OCA2: variants seen among roughly 807,000 people sequenced by gnomAD.
OCA2 encodes the protein OCA2 melanosomal transmembrane protein, also known as P protein.
A neutral mutation model predicts 100.2 loss-of-function variants in OCA2; 77 were observed. The observed-to-expected ratio is 0.77, with a 90% confidence interval of 0.64 to 0.93. The LOEUF (loss-of-function observed/expected upper bound fraction) is 0.93. Ranked by LOEUF, OCA2 falls within the 40% of genes least tolerant of loss-of-function variation. The pLI, the probability that OCA2 is intolerant of heterozygous loss-of-function variation, is 0.00. For synonymous variants in OCA2, 432 were observed against 439.2 expected (o/e 0.98, Z 0.21); for missense variants, 1,062 against 1,089.1 (o/e 0.98, Z 0.35).
At chr15:27,997,535 A>G (rs960427548) in intron 9 of OCA2, among the ~76,000 whole-genome samples, 2 of 151,814 alleles carry the variant, frequency 1.3e-5, no homozygotes, top group Admixed American at 1.3e-4. Context: ...CCATTGATCT[A>G]TATCTCTGTT....
At chr15:27,933,065 A>T (rs931457166) in intron 18 of OCA2, among the ~76,000 whole-genome samples, 1 of 152,228 alleles carries the variant, frequency 6.6e-6, no homozygotes, top group African/African-American at 2.4e-5. Context: ...TGAGAATGCC[A>T]AGACTACTCA....
chr15:27,744,230 G>A, the OCA2 span, among the ~76,000 whole-genome samples: 1 of 152,212 alleles, frequency 6.6e-6, no homozygotes, highest in Non-Finnish European at 1.5e-5. Context: ...ACCTGGTGGG[G>A]CCAGCGGAGG....
chr15:27,742,337 A>G, the OCA2 span, among the ~76,000 whole-genome samples: 15 of 152,168 alleles, frequency 9.9e-5, no homozygotes, highest in Admixed American at 7.2e-4. Context: ...CAGCTGTGGA[A>G]CCTTGGAGCA....
chr15:27,933,072 C>T (rs1462664517), intron 18 of OCA2, among the ~76,000 whole-genome samples: 2 of 152,094 alleles, frequency 1.3e-5, no homozygotes, highest in East Asian at 1.9e-4. Flanking sequence ...GCCAAGACTA[C>T]TCAATCGCAG....
At chr15:28,028,080 G>A (rs2042810374) in intron 3 of OCA2, 21 bp from the exon 4 acceptor site, 4 of 1,613,270 alleles carry the variant, frequency 2.5e-6, no homozygotes, top group Non-Finnish European at 3.4e-6. Flanking sequence ...AGAGAGGTGT[G>A]GTTATCTCTC....
At chr15:28,053,710 C>A (rs1051686050) in intron 2 of OCA2, among the ~76,000 whole-genome samples, 1 of 152,198 alleles carries the variant, frequency 6.6e-6, no homozygotes, top group Non-Finnish European at 1.5e-5. Context: ...AGAGGGCCTC[C>A]CAGCACAAGA....
chr15:28,031,141 T>TATAC (rs1259733834), intron 3 of OCA2, among the ~76,000 whole-genome samples: 1 of 152,116 alleles, frequency 6.6e-6, no homozygotes, highest in Non-Finnish European at 1.5e-5. Context: ...AAACCAGCCA[T>TATAC]GTATGGAAAA....
chr15:28,006,809 A>G (rs569425429), intron 9 of OCA2, among the ~76,000 whole-genome samples: 1 of 152,356 alleles, frequency 6.6e-6, no homozygotes, highest in East Asian at 1.9e-4. Flanking sequence ...AGCCCTGCAG[A>G]GCATCATAAG....
Position 28,044,941 on chromosome 15 carries a change from G to A in OCA2, c.228-12778C>T, listed in dbSNP as rs558377628. Among the ~76,000 whole-genome samples, 4 of 152,026 alleles carry A rather than the reference G, an allele frequency of 2.6e-5. No individual in the cohort carries two copies. In the South Asian group the frequency reaches 8.3e-4, roughly 32 times the overall value. ...TAGAATGATTTTAATACTTAGAATT[G>A]GTTCCTTTATAAGTAGCATATAGTT... On this transcript the variant is annotated intron_variant, in intron 2 of 23. Transcript: ENST00000354638.
At chr15:27,809,485 C>T (rs774488526) in intron 23 of OCA2, among the ~76,000 whole-genome samples, 5 of 152,184 alleles carry the variant, frequency 3.3e-5, no homozygotes, top group Non-Finnish European at 7.3e-5. Flanking sequence ...TCTCTCTCAA[C>T]ACTCCTATTC....
At chr15:27,739,069 G>A in the OCA2 span, among the ~76,000 whole-genome samples, 2 of 152,178 alleles carry the variant, frequency 1.3e-5, no homozygotes, top group Non-Finnish European at 2.9e-5. Flanking sequence ...GGTCGCCAGC[G>A]TCTTCTAGCA....
chr15:27,870,663 G>T (rs757682787), intron 21 of OCA2, among the ~76,000 whole-genome samples: 3 of 116,186 alleles, frequency 2.6e-5, no homozygotes, highest in African/African-American at 1.1e-4. Context: ...CACAATTTTC[G>T]AAAGGAAGGA....
chr15:27,832,970 C>T (rs1448715589), intron 23 of OCA2, among the ~76,000 whole-genome samples: 6 of 150,716 alleles, frequency 4.0e-5, no homozygotes, highest in African/African-American at 9.9e-5. Flanking sequence ...TATGCCACCA[C>T]GCCCAGCTGA....
Position 27,951,856 on chromosome 15 carries a change from G to C in OCA2, c.1879C>G (p.Leu627Val). 6.2e-7 allele frequency: 1 copy of C among 1,614,042 alleles called. No individual in the cohort carries two copies. Among genetic ancestry groups the C allele is most frequent in the East Asian group, 2.2e-5 (1 of 44,876 alleles). The part of the protein sequence containing the change: ...ISDGILLAKC[L>V]TVLGFVIFMF... ...AAGATAACAAATCCCAACACTGTCA[G>C]GCATTTGGCGAGCAGAATCCCGTCA... Residue 627 changes from leucine to valine, a missense_variant, in exon 18 of 24, where the codon CTG becomes GTG. Physicochemically the swap from Leu to Val is conservative, Grantham distance 32. Transcript: ENST00000354638.
At position 27,826,430 on chromosome 15, in the gene OCA2, A is replaced by G. The variant is rs538146159; in HGVS notation, c.2432+18529T>C. 9.9e-5 allele frequency among the ~76,000 whole-genome samples: 15 copies of G among 152,266 alleles called. No individual in the cohort carries two copies. In the East Asian group the frequency reaches 2.5e-3, roughly 25 times the overall value. ...TTCAAGCGCAGAGGCACGGCCCTCA[A>G]CCACTACACTCCCACAGCCAACTGT... On this transcript the variant is annotated intron_variant, in intron 23 of 23. Coordinates refer to ENST00000354638, the MANE Select transcript of OCA2 (RefSeq NM_000275.3).
At chr15:28,082,973 C>T (rs963285305) in intron 1 of OCA2, among the ~76,000 whole-genome samples, 2 of 152,170 alleles carry the variant, frequency 1.3e-5, no homozygotes, top group Non-Finnish European at 2.9e-5. Context: ...CCAGAAATGA[C>T]CTTTGGCCTT....
intron 23 of OCA2, among the ~76,000 whole-genome samples, chr15:27,794,295 G>T (rs1050635491): frequency 1.3e-5 from 2 of 152,130 alleles, no homozygotes; most frequent in Non-Finnish European, 2.9e-5. Context: ...ACAGGATGTG[G>T]CTCATTGTCC....
chr15:27,978,578 T>C (rs2041042271), intron 14 of OCA2, among the ~76,000 whole-genome samples: 1 of 152,228 alleles, frequency 6.6e-6, no homozygotes, highest in Admixed American at 6.5e-5. Flanking sequence ...GTCTACTTTG[T>C]CAGATATTAA....
rs1165606304 is a variant in OCA2 at position 27,966,676 on chromosome 15, G to A, written c.1636+14C>T. ...ATGAAATCTGAGCCTACATGAGGTT[G>A]CACTTGTACTCACCAACAATCTCAC... is the stretch of plus-strand genomic sequence containing the variant. On this transcript the variant is annotated intron_variant, in intron 15 of 23. Transcript: ENST00000354638. 1.2e-6 allele frequency: 2 copies of A among 1,613,486 alleles called. No individual in the cohort carries two copies. Among genetic ancestry groups the A allele is most frequent in the Non-Finnish European group, 1.7e-6 (2 of 1,179,730 alleles).
Sources: allele counts gnomAD v4.1 joint callset (sites outside exome capture counted in the v4.1 genomes callset), GRCh38; gene constraint gnomAD v4.1.1; transcripts MANE v1.5; gene names NCBI Gene and HGNC (gene_info 2026-07-23, HGNC 2026-07-21).